FRMPD4: variants seen among roughly 807,000 people sequenced by gnomAD.
The protein encoded by FRMPD4 is FERM and PDZ domain containing 4.
Under a neutral mutation model 94.1 loss-of-function variants are expected in FRMPD4, and 22 were observed. That is an observed-to-expected ratio of 0.23 (90% CI 0.17 to 0.33). The LOEUF (loss-of-function observed/expected upper bound fraction) is 0.33. Among genes scored for constraint, FRMPD4 ranks in the 10% least tolerant of loss-of-function variants. The pLI, the probability that FRMPD4 is intolerant of heterozygous loss-of-function variation, is 1.00. For synonymous variants in FRMPD4, 631 were observed against 548.6 expected, an observed-to-expected ratio of 1.15 and a Z score of -2.10; for missense variants, 1,111 against 1,339.9, an observed-to-expected ratio of 0.83 and a Z score of 2.67.
chrX:12,521,909 T>TAAA (rs59419702), intron 2 of FRMPD4, among the ~76,000 whole-genome samples: 10 of 101,497 alleles, frequency 9.9e-5, no homozygotes, highest in African/African-American at 2.1e-4. Context: ...TGAAGAAAGA[T>TAAA]AAAAAAAAAA....
At chrX:12,072,036 G>T (rs767711740) in intron 3 of FRMPD4, among the ~76,000 whole-genome samples, 2 of 110,646 alleles carry the variant, frequency 1.8e-5, no homozygotes, top group Non-Finnish European at 3.8e-5. Context: ...TGTTCCTCAG[G>T]CTGGCATACA....
chrX:12,572,925 T>G (rs1266424104), intron 2 of FRMPD4, among the ~76,000 whole-genome samples: 4 of 111,636 alleles, frequency 3.6e-5, no homozygotes, highest in African/African-American at 1.3e-4. Flanking sequence ...GCTGTACAAA[T>G]AAAAAGTCTC....
chrX:12,573,748 C>G (rs774131526), intron 2 of FRMPD4, among the ~76,000 whole-genome samples: 1 of 112,240 alleles, frequency 8.9e-6, no homozygotes, highest in Admixed American at 9.4e-5. Context: ...AATGTCAAAA[C>G]TATTTTCACA....
chrX:11,925,446 A>G (rs1044936529), intron 3 of FRMPD4, among the ~76,000 whole-genome samples: 8 of 112,361 alleles, frequency 7.1e-5, no homozygotes, highest in Non-Finnish European at 1.5e-4. Flanking sequence ...ACAACAGATT[A>G]TATATTTTTC....
chrX:12,389,703 T>A (rs777129746), intron 1 of FRMPD4, among the ~76,000 whole-genome samples: 3 of 111,800 alleles, frequency 2.7e-5, no homozygotes, highest in Non-Finnish European at 5.6e-5. Context: ...TAGAAGAGTT[T>A]ACTTTTCAAA....
At chrX:12,431,404 A>T (rs182443362) in intron 1 of FRMPD4, among the ~76,000 whole-genome samples, 97 of 112,508 alleles carry the variant, frequency 8.6e-4, no homozygotes, top group African/African-American at 3.1e-3. Context: ...CAAGATTTAG[A>T]TTCTAACCCA....
intron 1 of FRMPD4, among the ~76,000 whole-genome samples, chrX:12,447,295 G>A (rs2057209366): frequency 9.0e-6 from 1 of 111,194 alleles, no homozygotes. Flanking sequence ...CAGCATCCCT[G>A]GCCTTAATGC....
At chrX:12,677,613 A>C (rs2059912976) in intron 5 of FRMPD4, among the ~76,000 whole-genome samples, 1 of 112,472 alleles carries the variant, frequency 8.9e-6, no homozygotes, top group Admixed American at 9.5e-5. Flanking sequence ...TATTACAGAC[A>C]ATAAAAATTA....
chrX:12,469,228 C>T (rs1037640809), intron 1 of FRMPD4, among the ~76,000 whole-genome samples: 7 of 111,005 alleles, frequency 6.3e-5, no homozygotes, highest in African/African-American at 2.3e-4. Context: ...CTTCCCTTCC[C>T]CTTCTCTTCT....
At chrX:12,221,573 A>T (rs778501157) in intron 1 of FRMPD4, among the ~76,000 whole-genome samples, 1 of 112,445 alleles carries the variant, frequency 8.9e-6, no homozygotes, top group Admixed American at 9.5e-5. Flanking sequence ...GACTTGCTGG[A>T]ATCCTGAACG....
At chrX:11,967,912 C>T (rs1601861774) in intron 3 of FRMPD4, among the ~76,000 whole-genome samples, 1 of 110,043 alleles carries the variant, frequency 9.1e-6, no homozygotes, top group African/African-American at 3.3e-5. Flanking sequence ...TGACCAGTAT[C>T]TAGAATTTTG....
chrX:12,702,160 T>C, intron 10 of FRMPD4, 150 bp downstream of exon 10: 1 of 513,302 alleles, frequency 1.9e-6, no homozygotes, highest in Non-Finnish European at 3.3e-6. Context: ...TGCTCATTTC[T>C]GGCAGAAGAG....
At chrX:12,347,529 C>T (rs7881737) in intron 1 of FRMPD4, among the ~76,000 whole-genome samples, 3,499 of 111,701 alleles carry the variant, frequency 0.031, 127 homozygotes, top group African/African-American at 0.11. Context: ...AGCCACAATG[C>T]CTGACCTTGA....
At chrX:12,463,679 G>GTTTT (rs1569286293) in intron 1 of FRMPD4, among the ~76,000 whole-genome samples, 1 of 33,331 alleles carries the variant, frequency 3.0e-5, no homozygotes, top group African/African-American at 1.1e-4. Context: ...TCCTATGTGT[G>GTTTT]TGTTTTTTTT....
chrX:12,061,184 T>C (rs777900535), intron 3 of FRMPD4, among the ~76,000 whole-genome samples: 7 of 111,517 alleles, frequency 6.3e-5, no homozygotes, highest in Non-Finnish European at 9.4e-5. Flanking sequence ...AAGAAGGGTG[T>C]GGGGGAGGCA....
chrX:12,138,641 G>T lies in FRMPD4; in HGVS notation c.-331G>T. 2 of 294,374 alleles carry T rather than the reference G, an allele frequency of 6.8e-6. No individual in the cohort carries two copies. Among genetic ancestry groups the T allele is most frequent in the Non-Finnish European group, 1.2e-5 (2 of 168,737 alleles). The allele number at this position is 294,374 out of a possible 1,213,427, so 24.3% of individuals were successfully genotyped here. ...CTCTGGACGCCCGGCAGTCCCCGGG[G>T]CTAGAGCGCACGGGGCGGGGCGCGA... On this transcript the variant is annotated 5_prime_UTR_variant, in exon 1 of 17. Transcript: ENST00000675598.
intron 5 of FRMPD4, among the ~76,000 whole-genome samples, chrX:12,678,389 C>T (rs374011232): frequency 8.9e-5 from 10 of 112,221 alleles, no homozygotes; most frequent in East Asian, 2.8e-4. Context: ...TCCGATATAC[C>T]GTCTTCTTTC....
intron 3 of FRMPD4, among the ~76,000 whole-genome samples, chrX:12,094,909 A>C (rs754180785): frequency 8.9e-6 from 1 of 111,815 alleles, no homozygotes; most frequent in South Asian, 3.7e-4. Flanking sequence ...ATGAGTTTTA[A>C]AGGACAAGTC....
chrX:12,471,825 G>A (rs2057517104), intron 1 of FRMPD4, among the ~76,000 whole-genome samples: 1 of 111,999 alleles, frequency 8.9e-6, no homozygotes, highest in Non-Finnish European at 1.9e-5. Flanking sequence ...CATCATGTCT[G>A]CCAATGCTTC....
Sources: allele counts gnomAD v4.1 joint callset (sites outside exome capture counted in the v4.1 genomes callset), GRCh38; gene constraint gnomAD v4.1.1; transcripts MANE v1.5; gene names NCBI Gene and HGNC (gene_info 2026-07-23, HGNC 2026-07-21).